The following KDM3B variants were observed in gnomAD, a reference collection of about 807,000 sequenced individuals.
KDM3B encodes the protein lysine demethylase 3B.
A neutral mutation model predicts 170.0 loss-of-function variants in KDM3B; 10 were observed. The observed-to-expected ratio is 0.06, with a 90% CI of 0.04 to 0.10. The LOEUF is 0.10. Among genes scored for constraint, KDM3B ranks in the 10% least tolerant of loss-of-function variants. KDM3B has a pLI of 1.00. For missense variants in KDM3B, 1,394 were observed against 2,195.2 expected, an observed-to-expected ratio of 0.64 and a Z score of 7.29; for synonymous variants, 831 against 834.8, an observed-to-expected ratio of 1.00 and a Z score of 0.08.
intron 15 of KDM3B, 104 bp downstream of exon 15, chr5:138,421,066 C>A: frequency 1.5e-6 from 2 of 1,307,550 alleles, no homozygotes; most frequent in Non-Finnish European, 2.1e-6. Context: ...GTGTTCTCTA[C>A]ATTGTCAAGC....
chr5:138,431,404 T>C, intron 22 of KDM3B, 21 bp from the exon 23 acceptor site: 1 of 1,574,500 alleles, frequency 6.4e-7, no homozygotes, highest in Non-Finnish European at 8.6e-7. Flanking sequence ...ATATTTCTCC[T>C]CTGCACTTTG....
At position 138,435,629 on chromosome 5, in the gene KDM3B, A is replaced by G; in HGVS notation, c.5215A>G (p.Ile1739Val). Reference protein sequence around the residue: ...NHEDKLQVKNIIYHAVKDAVG... With the variant: ...NHEDKLQVKNVIYHAVKDAVG... ...TGTACACCTTCTCTAGGTGAAGAACATCATTTACCATGCAGTGAAAGATGC... is the reference window on the plus strand; with the variant it reads ...TGTACACCTTCTCTAGGTGAAGAACGTCATTTACCATGCAGTGAAAGATGC... Residue 1739 changes from isoleucine (I) to valine (V), a missense_variant, in exon 24 of 24, where the codon ATC becomes GTC. Around this residue, in one of 19 missense-constraint regions of KDM3B, gnomAD observed 79 missense variants for 270.5 expected, o/e 0.29. Transcript: ENST00000314358. The G allele has an allele frequency of 6.2e-7, 1 of 1,613,862 alleles. No individual in the cohort carries two copies. Among genetic ancestry groups the G allele is most frequent in the Non-Finnish European group, 8.5e-7 (1 of 1,179,838 alleles).
Position 138,391,293 on chromosome 5 carries a change from G to A in KDM3B, c.1661G>A (p.Arg554Gln), listed in dbSNP as rs1441476476. ...SESLADDSSSRDSFKQSLESL... is the reference protein window; with the variant it reads ...SESLADDSSSQDSFKQSLESL... Reference sequence around the variant, plus strand: ...AGTTTGGCTGATGATTCTTCTAGTCGGGACTCATTCAAACAAAGCCTTGAG... The same window carrying A: ...AGTTTGGCTGATGATTCTTCTAGTCAGGACTCATTCAAACAAAGCCTTGAG... Residue 554 changes from arginine (R) to glutamine (Q), a missense_variant, in exon 8 of 24, where the codon CGG becomes CAG. Arg to Gln is a conservative substitution (Grantham distance 43). This residue lies in a region of KDM3B where 294 missense variants were observed against 311.7 expected (regional missense o/e 0.94). Transcript: ENST00000314358. This position sits in a 1 kb window ranked among gnomAD's most constrained non-coding sequence, Gnocchi z 5.0. 4 of 1,613,920 alleles carry A rather than the reference G, an allele frequency of 2.5e-6. No homozygotes were observed. The highest frequency in any genetic ancestry group is 1.3e-5 in the African/African-American group (1 of 74,876).
At chr5:138,396,255 C>T (rs1762543755) in intron 9 of KDM3B, among the ~76,000 whole-genome samples, 1 of 152,016 alleles carries the variant, frequency 6.6e-6, no homozygotes. Context: ...GCCACCACAC[C>T]CAGCTAATTT....
intron 11 of KDM3B, among the ~76,000 whole-genome samples, chr5:138,400,219 T>C (rs1431308065): frequency 6.6e-6 from 1 of 152,028 alleles, no homozygotes; most frequent in Non-Finnish European, 1.5e-5. Flanking sequence ...ATTCTTAATT[T>C]TTCCTTGGTT....
At chr5:138,409,523 A>G (rs1054884637) in intron 11 of KDM3B, among the ~76,000 whole-genome samples, 4 of 152,190 alleles carry the variant, frequency 2.6e-5, no homozygotes, top group Non-Finnish European at 5.9e-5. Flanking sequence ...AAATTTAGCC[A>G]ATACCTACAA....
chr5:138,409,103 C>T (rs937579632), intron 11 of KDM3B, among the ~76,000 whole-genome samples: 2 of 152,196 alleles, frequency 1.3e-5, no homozygotes, highest in Non-Finnish European at 2.9e-5. Context: ...AGATTGACTT[C>T]TTCCTCTTAG....
intron 11 of KDM3B, among the ~76,000 whole-genome samples, chr5:138,411,476 T>A (rs933569945): frequency 1.3e-5 from 2 of 152,152 alleles, no homozygotes; most frequent in African/African-American, 4.8e-5. Flanking sequence ...GTGTCCTTGG[T>A]CTCTTGCCTC....
rs1185181525 is a variant in KDM3B, at chr5:138,372,826, A to C, written c.345A>C (p.Ala115=). ...TCCAGGGCATTCGAGTCTCCATTGCACAATGGCCAGCCCTGGTGAGTGGCT... is the reference window on the plus strand; with the variant it reads ...TCCAGGGCATTCGAGTCTCCATTGCCCAATGGCCAGCCCTGGTGAGTGGCT... ...VLLQGIRVSI[A]QWPALTFTPL... The change falls in exon 2 of 24, where the codon GCA becomes GCC. Residue 115 remains alanine, a synonymous_variant. Coordinates refer to ENST00000314358, the MANE Select transcript of KDM3B (RefSeq NM_016604.4). 6.2e-7 allele frequency: 1 copy of C among 1,614,050 alleles called. No individual in the cohort carries two copies. Among genetic ancestry groups the C allele is most frequent in the South Asian group, 1.1e-5 (1 of 91,054 alleles).
At chr5:138,384,107 G>A (rs571419522) in intron 6 of KDM3B, among the ~76,000 whole-genome samples, 141 of 151,648 alleles carry the variant, frequency 9.3e-4, no homozygotes, top group Middle Eastern at 3.4e-3. Flanking sequence ...TTAGCCGGGC[G>A]CGGTGGCGGG....
chr5:138,358,976 A>T, intron 1 of KDM3B, among the ~76,000 whole-genome samples: 1 of 125,036 alleles, frequency 8.0e-6, no homozygotes, highest in African/African-American at 3.0e-5. Context: ...TCAGAGTGTG[A>T]TGTTCCCCTT....
Position 138,391,238 on chromosome 5 carries a change from A to G in KDM3B, c.1606A>G (p.Thr536Ala). 1 of 1,614,082 alleles carries G rather than the reference A, an allele frequency of 6.2e-7. No individual in the cohort carries two copies. The highest frequency in any genetic ancestry group is 8.5e-7 in the Non-Finnish European group (1 of 1,180,014). The change falls in exon 8 of 24, where the codon ACC becomes GCC. Residue 536 changes from threonine (T) to alanine (A), a missense_variant. Physicochemically the swap from Thr to Ala is moderately conservative, Grantham distance 58. Coordinates refer to ENST00000314358, the MANE Select transcript of KDM3B (RefSeq NM_016604.4). This position sits in a 1 kb window ranked among gnomAD's most constrained non-coding sequence, Gnocchi z 5.0. ...FFQCMSQTLPTSNYFTTVSES... is the reference protein window; with the variant it reads ...FFQCMSQTLPASNYFTTVSES... ...TCAATGCATGTCCCAAACTTTACCT[A>G]CCAGTAACTACTTCACTACTGTTTC... is the stretch of plus-strand genomic sequence containing the variant.
At chr5:138,369,983 A>G (rs1429652026) in intron 1 of KDM3B, among the ~76,000 whole-genome samples, 2 of 152,192 alleles carry the variant, frequency 1.3e-5, no homozygotes, top group South Asian at 2.1e-4. Context: ...CTCCTGGAAC[A>G]TGAGCTCCAA....
Position 138,391,789 on chromosome 5 carries a change from C to T in KDM3B, c.2157C>T (p.Ala719=). Residue 719 remains alanine, a synonymous_variant, in exon 8 of 24, where the codon GCC becomes GCT. Coordinates refer to ENST00000314358, the MANE Select transcript of KDM3B (RefSeq NM_016604.4). The surrounding 1 kb of genome is among the most constrained non-coding windows in gnomAD (Gnocchi z 5.0). Reference sequence around the variant, plus strand: ...CCAGTGGGGGCCCAAGCCTCTCTGCCATGGGGAATGGCCGCTCCAGCTCGC... The same window carrying T: ...CCAGTGGGGGCCCAAGCCTCTCTGCTATGGGGAATGGCCGCTCCAGCTCGC... The part of the protein sequence containing the change: ...ALTSGGPSLS[A]MGNGRSSSPT... 4.3e-6 allele frequency: 7 copies of T among 1,614,092 alleles called. No homozygotes were observed. Among genetic ancestry groups the T allele is most frequent in the Non-Finnish European group, 5.1e-6 (6 of 1,180,012 alleles).
In KDM3B at chr5:138,427,205, G is replaced by A. The variant is rs1763420496; in HGVS notation, c.4519G>A (p.Glu1507Lys). The A allele has an allele frequency of 1.2e-6, 2 of 1,613,180 alleles. No homozygotes were observed. The highest frequency in any genetic ancestry group is 1.3e-5 in the African/African-American group (1 of 74,908). The change falls in exon 19 of 24, where the codon GAG (glutamate) becomes AAG (lysine). Residue 1507 changes from glutamate to lysine, a missense_variant. This residue lies in a region of KDM3B where 66 missense variants were observed against 178.8 expected (regional missense o/e 0.37). Coordinates refer to ENST00000314358, the MANE Select transcript of KDM3B (RefSeq NM_016604.4). ...CTTTTATAGGTTTGAAGATCTGATG[G>A]AGAACCTTCCTCTGCCAGAATATAC... Reference protein sequence around the residue: ...MMPTRFEDLMENLPLPEYTKR... With the variant: ...MMPTRFEDLMKNLPLPEYTKR...
chr5:138,363,739 G>A (rs1761674971), intron 1 of KDM3B, among the ~76,000 whole-genome samples: 1 of 151,842 alleles, frequency 6.6e-6, no homozygotes, highest in South Asian at 2.1e-4. Context: ...GTAGAGACGG[G>A]GTTTCACCTT....
intron 17 of KDM3B, 87 bp from the exon 18 acceptor site, chr5:138,426,888 A>C (rs1763412392): frequency 1.2e-6 from 1 of 837,424 alleles, no homozygotes. Flanking sequence ...AAAGAAAAAA[A>C]AGAGATTAGT....
intron 9 of KDM3B, among the ~76,000 whole-genome samples, chr5:138,393,874 T>G (rs1375518137): frequency 6.6e-6 from 1 of 152,102 alleles, no homozygotes; most frequent in African/African-American, 2.4e-5. Context: ...TTCTTCTGCT[T>G]GATAAACTTA....
In KDM3B at chr5:138,391,701, A is replaced by G; in HGVS notation, c.2069A>G (p.Lys690Arg). 1 of 1,614,066 alleles carries G rather than the reference A, an allele frequency of 6.2e-7. No homozygotes were observed. Reference sequence around the variant, plus strand: ...GATTCGGCATCTTTAGCAAAGAAGAAACCCCTCTTCATTACAACTGACTCC... The same window carrying G: ...GATTCGGCATCTTTAGCAAAGAAGAGACCCCTCTTCATTACAACTGACTCC... The part of the protein sequence containing the change: ...SADSASLAKK[K>R]PLFITTDSSK... Residue 690 changes from lysine (K) to arginine (R), a missense_variant, in exon 8 of 24, where the codon AAA (lysine) becomes AGA (arginine). By Grantham distance (26) the Lys-to-Arg change is conservative. Around this residue, in one of 19 missense-constraint regions of KDM3B, gnomAD observed 294 missense variants for 311.7 expected, o/e 0.94. Transcript: ENST00000314358. This position sits in a 1 kb window ranked among gnomAD's most constrained non-coding sequence, Gnocchi z 5.0.
Sources: allele counts gnomAD v4.1 joint callset (sites outside exome capture counted in the v4.1 genomes callset), GRCh38; gene constraint gnomAD v4.1.1; regional missense constraint gnomAD v4.1.1; non-coding constraint Gnocchi (gnomAD v3.1); transcripts MANE v1.5; gene names NCBI Gene and HGNC (gene_info 2026-07-23, HGNC 2026-07-21).